The following RAB2A variants were observed in gnomAD, a reference collection of about 807,000 sequenced individuals.
RAB2A encodes ras-related protein Rab-2A.
In RAB2A, 7 loss-of-function variants were observed where a neutral mutation model predicts 32.5. The observed-to-expected ratio is 0.22, with a 90% CI of 0.12 to 0.40. RAB2A has a LOEUF of 0.40. RAB2A is among the 10% of genes least tolerant of loss of function. RAB2A has a pLI of 1.00. For missense variants in RAB2A, 108 were observed against 260.7 expected (o/e 0.41, Z 4.03); for synonymous variants, 79 against 85.2 (o/e 0.93, Z 0.40).
At chr8:60,571,684 T>C (rs1473602513) in intron 2 of RAB2A, among the ~76,000 whole-genome samples, 2 of 152,228 alleles carry the variant, frequency 1.3e-5, no homozygotes, top group Non-Finnish European at 2.9e-5. Context: ...TTATACCATA[T>C]TAATGTAATT....
intron 3 of RAB2A, among the ~76,000 whole-genome samples, chr8:60,572,510 G>A (rs868508100): frequency 6.6e-5 from 10 of 152,090 alleles, no homozygotes; most frequent in African/African-American, 2.4e-4. Context: ...TTGAAGTCAC[G>A]TTGCTCTTAA....
intron 3 of RAB2A, among the ~76,000 whole-genome samples, chr8:60,583,021 A>C (rs1460807582): frequency 6.9e-6 from 1 of 144,958 alleles, no homozygotes; most frequent in Non-Finnish European, 1.5e-5. Flanking sequence ...CCTAGCACAC[A>C]CTTAGTCACA....
chr8:60,589,564 TTTAAAAAATG>T (rs1466337099), intron 5 of RAB2A, among the ~76,000 whole-genome samples: 1 of 152,152 alleles, frequency 6.6e-6, no homozygotes, highest in Non-Finnish European at 1.5e-5. Flanking sequence ...GAAGCAGAGA[TTTAAAAAATG>T]AAAGTTTTTT....
chr8:60,578,337 T>G (rs1337018751), intron 3 of RAB2A, among the ~76,000 whole-genome samples: 1 of 152,208 alleles, frequency 6.6e-6, no homozygotes, highest in South Asian at 2.1e-4. Context: ...CACATGAAAG[T>G]GCTTTTGGAT....
At chr8:60,539,912 T>C (rs1807613484) in intron 1 of RAB2A, among the ~76,000 whole-genome samples, 1 of 152,026 alleles carries the variant, frequency 6.6e-6, no homozygotes, top group African/African-American at 2.4e-5. Context: ...AGTTTAACTT[T>C]AGTATGGACC....
intron 3 of RAB2A, among the ~76,000 whole-genome samples, chr8:60,577,017 C>T (rs943329684): frequency 6.6e-6 from 1 of 151,732 alleles, no homozygotes; most frequent in Non-Finnish European, 1.5e-5. Context: ...AAGAATCTGA[C>T]ATCGGTGATC....
At chr8:60,553,419 A>G (rs1807886954) in intron 1 of RAB2A, among the ~76,000 whole-genome samples, 3 of 152,238 alleles carry the variant, frequency 2.0e-5, no homozygotes, top group South Asian at 4.1e-4. Context: ...TTGATTGCAT[A>G]ACTAGGGTAG....
chr8:60,574,711 T>C (rs1808244585), intron 3 of RAB2A, among the ~76,000 whole-genome samples: 1 of 152,244 alleles, frequency 6.6e-6, no homozygotes, highest in Non-Finnish European at 1.5e-5. Flanking sequence ...CCTGGTTTTT[T>C]GTGGGTTTTC....
chr8:60,561,064 T>G (rs1442061612), intron 2 of RAB2A, among the ~76,000 whole-genome samples: 4 of 152,254 alleles, frequency 2.6e-5, no homozygotes. Flanking sequence ...CTCCAGCCCC[T>G]GCCTGGCAGG....
chr8:60,596,987 A>C (rs1158685248), intron 6 of RAB2A, among the ~76,000 whole-genome samples: 1 of 152,148 alleles, frequency 6.6e-6, no homozygotes, highest in Non-Finnish European at 1.5e-5. Flanking sequence ...ACACTTTTAC[A>C]TTGTTGGCGG....
At chr8:60,602,888 C>G in intron 6 of RAB2A, among the ~76,000 whole-genome samples, 1 of 152,176 alleles carries the variant, frequency 6.6e-6, no homozygotes, top group East Asian at 1.9e-4. Context: ...ATAAGCAGAG[C>G]TCTATGGGAG....
chr8:60,572,252 G>T, intron 3 of RAB2A, 139 bp downstream of exon 3: 1 of 599,594 alleles, frequency 1.7e-6, no homozygotes. Context: ...ATGAAATGTG[G>T]TGCTGGAGTA....
intron 1 of RAB2A, among the ~76,000 whole-genome samples, chr8:60,547,914 TG>T (rs1807769610): frequency 8.9e-6 from 1 of 111,884 alleles, no homozygotes. Context: ...ACGGGGCGGC[TG>T]GCCGGGCAGA....
At chr8:60,554,839 C>T (rs1033209460) in intron 1 of RAB2A, among the ~76,000 whole-genome samples, 4 of 150,998 alleles carry the variant, frequency 2.6e-5, no homozygotes, top group Non-Finnish European at 5.9e-5. Flanking sequence ...GGCGACAGAG[C>T]GAGACTCCGT....
intron 1 of RAB2A, among the ~76,000 whole-genome samples, chr8:60,556,502 A>T (rs542437050): frequency 5.3e-5 from 8 of 152,124 alleles, no homozygotes; most frequent in South Asian, 2.1e-4. Flanking sequence ...TTAAAAAAAA[A>T]TTTTAAGAAC....
At chr8:60,598,065 GCAGGAGCCTGTAATCCCGGCTACT>G (rs1393807617) in intron 6 of RAB2A, among the ~76,000 whole-genome samples, 3 of 152,184 alleles carry the variant, frequency 2.0e-5, no homozygotes, top group African/African-American at 7.2e-5. Context: ...GGGCGTGGTA[GCAGGAGCCTGTAATCCCGGCTACT>G]CGGGAGGCTA....
At chr8:60,529,208 T>G (rs1427983652) in intron 1 of RAB2A, among the ~76,000 whole-genome samples, 1 of 152,232 alleles carries the variant, frequency 6.6e-6, no homozygotes, top group Non-Finnish European at 1.5e-5. Context: ...GTGAGACTAA[T>G]TTTGTAGCCG....
rs761463505 is a variant in RAB2A at position 60,621,177 on chromosome 8, G to T, written c.*408G>T. On this transcript the variant is annotated 3_prime_UTR_variant, in exon 8 of 8. Coordinates refer to ENST00000262646, the MANE Select transcript of RAB2A (RefSeq NM_002865.3). ...CCTCAGAAACTTTGTCAATTTTCAC[G>T]GCTATAAGGAAACAGAAGGACTCTT... 1 of 157,960 alleles carries T rather than the reference G, an allele frequency of 6.3e-6. No individual in the cohort carries two copies. The highest frequency in any genetic ancestry group is 1.4e-5 in the Non-Finnish European group (1 of 71,642). 9.8% of individuals were successfully genotyped at this position (157,960 alleles called of 1,614,324 possible). A position where few individuals can be genotyped will look rare whatever the true frequency, so the allele number is the denominator to read the frequency against.
chr8:60,605,382 G>A (rs937080145), intron 6 of RAB2A, among the ~76,000 whole-genome samples: 7 of 152,210 alleles, frequency 4.6e-5, no homozygotes, highest in Admixed American at 4.6e-4. Context: ...ATGTAGGCTT[G>A]GTGCTCCACA....
Sources: gnomAD v4.1 joint callset for allele counts (sites outside exome capture counted in the v4.1 genomes callset) on GRCh38, gnomAD v4.1.1 for gene constraint, MANE v1.5 for transcripts, NCBI Gene and HGNC (gene_info 2026-07-23, HGNC 2026-07-21) for gene names.